Variants in NLE1 observed in about 807,000 individuals in gnomAD.
The protein encoded by NLE1 is notchless protein homolog 1.
NLE1 carries 37 observed loss-of-function variants against 62.8 expected under a neutral mutation model. That is an observed-to-expected ratio of 0.59 (90% CI 0.45 to 0.78). The LOEUF is 0.78. NLE1 is among the 30% of genes least tolerant of loss of function. The probability of loss-of-function intolerance (pLI) is 0.00; values close to 1 mark genes in which losing one functional copy is unlikely to be tolerated. For missense variants in NLE1, 555 were observed against 637.9 expected, an observed-to-expected ratio of 0.87 and a Z score of 1.40; for synonymous variants, 243 against 253.0, an observed-to-expected ratio of 0.96 and a Z score of 0.37.
chr17:35,130,313 T>G lies in NLE1; in HGVS notation c.*2124A>C, dbSNP rs1318661121. 3 of 1,613,924 alleles carry G rather than the reference T, an allele frequency of 1.9e-6. No individual in the cohort carries two copies. The highest frequency in any genetic ancestry group is 1.3e-5 in the African/African-American group (1 of 74,900). On this transcript the variant is annotated 3_prime_UTR_variant, in exon 13 of 13. Coordinates refer to ENST00000442241, the MANE Select transcript of NLE1 (RefSeq NM_018096.5). The stretch of plus-strand genomic sequence containing the variant: ...ACCCTGGCCACTGACTTCAGCAGCT[T>G]TCCTGAGAACTACCCCATCCAGATC...
In NLE1 at chr17:35,129,884, T is replaced by A. The variant is rs906960359; in HGVS notation, c.*2553A>T. The A allele has an allele frequency of 2.0e-4, 280 of 1,411,566 alleles. 1 individual carries two copies. Among genetic ancestry groups the A allele is most frequent in the Non-Finnish European group, 1.6e-4 (176 of 1,086,050 alleles). 87.4% of individuals were successfully genotyped at this position (1,411,566 alleles called of 1,614,324 possible). On this transcript the variant is annotated 3_prime_UTR_variant, in exon 13 of 13. Coordinates refer to ENST00000442241, the MANE Select transcript of NLE1 (RefSeq NM_018096.5). ...ATGCAAACGAATGTATTTTTCAACA[T>A]CACTATAATGTTCCCCTTCCAAAGC...
intron 9 of NLE1, among the ~76,000 whole-genome samples, chr17:35,135,887 G>A (rs1188308464): frequency 6.6e-6 from 1 of 152,120 alleles, no homozygotes; most frequent in Admixed American, 6.6e-5. Flanking sequence ...TGTATTTTTT[G>A]AACGTGAATG....
In NLE1 at chr17:35,142,097, T is replaced by C; in HGVS notation, c.44A>G (p.Gln15Arg). The C allele has an allele frequency of 3.7e-6, 6 of 1,612,260 alleles. No homozygotes were observed. The highest frequency in any genetic ancestry group is 5.1e-6 in the Non-Finnish European group (6 of 1,179,726). The change falls in exon 2 of 13, where the codon CAG becomes CGG. Residue 15 changes from glutamine (Q) to arginine (R), a missense_variant. Coordinates refer to ENST00000442241, the MANE Select transcript of NLE1 (RefSeq NM_018096.5). ...VPDEAVARDV[Q>R]RLLVQFQDEG... ...ATCCTGGAACTGCACTAGCAACCGC[T>C]GCACATCGCGCGCCACCGCCTCGTC...
At chr17:35,140,871 T>A (rs1482491803) in intron 2 of NLE1, among the ~76,000 whole-genome samples, 4 of 152,238 alleles carry the variant, frequency 2.6e-5, no homozygotes, top group Non-Finnish European at 5.9e-5. Flanking sequence ...ATTACAGGCA[T>A]AAGCCACTGC....
chr17:35,142,226 G>A lies in NLE1; in HGVS notation c.18+32C>T, dbSNP rs778390282. On this transcript the variant is annotated intron_variant, in intron 1 of 12. Coordinates refer to ENST00000442241, the MANE Select transcript of NLE1 (RefSeq NM_018096.5). ...GACCCGGGCCCTAGCGCCCCGCGGC[G>A]ACGCCCCCCGCCCCCATCCACGCAC... The A allele has an allele frequency of 1.2e-5, 19 of 1,556,158 alleles. 1 individual carries two copies. In the South Asian group the frequency reaches 2.0e-4, roughly 16 times the overall value.
At chr17:35,137,692 A>G in intron 5 of NLE1, 52 bp from the exon 6 acceptor site, 1 of 1,546,468 alleles carries the variant, frequency 6.5e-7, no homozygotes. Context: ...CTCTGGCTCC[A>G]CCAAAATCCC....
chr17:35,141,343 C>G (rs1359709647), intron 2 of NLE1, among the ~76,000 whole-genome samples: 1 of 152,068 alleles, frequency 6.6e-6, no homozygotes, highest in Non-Finnish European at 1.5e-5. Context: ...GTCAAGAGAT[C>G]GAGACCATCC....
In NLE1 at chr17:35,129,636, G is replaced by T. The variant is rs761148758; in HGVS notation, c.*2801C>A. The T allele has an allele frequency of 1.2e-6, 2 of 1,614,048 alleles. No homozygotes were observed. Among genetic ancestry groups the T allele is most frequent in the South Asian group, 2.2e-5 (2 of 91,076 alleles). Reference sequence around the variant, plus strand: ...CGTGCAGCCAACACAGCTGGGGTGGGGAAGTGGTGCAAGCCCTACAAAGTG... The same window carrying T: ...CGTGCAGCCAACACAGCTGGGGTGGTGAAGTGGTGCAAGCCCTACAAAGTG... On this transcript the variant is annotated 3_prime_UTR_variant, in exon 13 of 13. Coordinates refer to ENST00000442241, the MANE Select transcript of NLE1 (RefSeq NM_018096.5).
Position 35,130,082 on chromosome 17 carries a change from G to A in NLE1, c.*2355C>T. Reference sequence around the variant, plus strand: ...GAGGCCTGAGTACAGACAGCCCTTTGGTTGGAAATATCCCATAATGAGGAG... The same window carrying A: ...GAGGCCTGAGTACAGACAGCCCTTTAGTTGGAAATATCCCATAATGAGGAG... On this transcript the variant is annotated 3_prime_UTR_variant, in exon 13 of 13. Coordinates refer to ENST00000442241, the MANE Select transcript of NLE1 (RefSeq NM_018096.5). 1 of 1,420,862 alleles carries A rather than the reference G, an allele frequency of 7.0e-7. No individual in the cohort carries two copies. Among genetic ancestry groups the A allele is most frequent in the South Asian group, 1.6e-5 (1 of 64,240 alleles). The allele number at this position is 1,420,862 out of a possible 1,614,324, so 88.0% of individuals were successfully genotyped here.
At position 35,129,520 on chromosome 17, in the gene NLE1, A is replaced by G. The variant is rs780568384; in HGVS notation, c.*2917T>C. 13 of 1,614,124 alleles carry G rather than the reference A, an allele frequency of 8.1e-6. No homozygotes were observed. Among genetic ancestry groups the G allele is most frequent in the Admixed American group, 1.7e-5 (1 of 60,008 alleles). On this transcript the variant is annotated 3_prime_UTR_variant, in exon 13 of 13. Transcript: ENST00000442241. The stretch of plus-strand genomic sequence containing the variant: ...CACAGGAGAATGAGTTGCCCGAGGC[A>G]AAGAATCGTCCATGGATCTTCAACA...
chr17:35,132,465 G>A lies in NLE1; in HGVS notation c.1446-16C>T. 3 of 1,392,088 alleles carry A rather than the reference G, an allele frequency of 2.2e-6. No homozygotes were observed. Among genetic ancestry groups the A allele is most frequent in the Non-Finnish European group, 9.4e-7 (1 of 1,066,964 alleles). The allele number at this position is 1,392,088 out of a possible 1,614,324, so 86.2% of individuals were successfully genotyped here. A position where few individuals can be genotyped will look rare whatever the true frequency, so the allele number is the denominator to read the frequency against. On this transcript the variant is annotated splice_polypyrimidine_tract_variant and intron_variant, in intron 12 of 12. Coordinates refer to ENST00000442241, the MANE Select transcript of NLE1 (RefSeq NM_018096.5). ...TCTCCTCCATCTGTGGAGAAGGGAA[G>A]GGTGTCAGGATGGGGATTCCACCTT... is the stretch of plus-strand genomic sequence containing the variant.
At chr17:35,140,637 C>T (rs1470077569) in intron 2 of NLE1, among the ~76,000 whole-genome samples, 1 of 151,648 alleles carries the variant, frequency 6.6e-6, no homozygotes, top group Non-Finnish European at 1.5e-5. Flanking sequence ...GTTACTCAGG[C>T]TGGAGTGCAG....
chr17:35,133,561 G>T, intron 10 of NLE1, 63 bp from the exon 11 acceptor site: 3 of 1,477,024 alleles, frequency 2.0e-6, no homozygotes, highest in Non-Finnish European at 2.7e-6. Flanking sequence ...ACGTCTGAAG[G>T]GTCCCCTACG....
chr17:35,140,921 G>C (rs4444387), intron 2 of NLE1, among the ~76,000 whole-genome samples: 119,951 of 152,194 alleles, frequency 0.79, 47,713 homozygotes, highest in East Asian at 0.93. Flanking sequence ...CATAACAACC[G>C]TGGGAAGTAG....
rs1383388638 is a variant in NLE1 at position 35,137,166 on chromosome 17, G to T, written c.663C>A (p.Ser221Arg). Residue 221 changes from serine (S) to arginine (R), a missense_variant, in exon 7 of 13, where the codon AGC (serine) becomes AGA (arginine). Physicochemically the swap from Ser to Arg is moderately radical, Grantham distance 110 (BLOSUM62 -1). Coordinates refer to ENST00000442241, the MANE Select transcript of NLE1 (RefSeq NM_018096.5). ...TCCGCACACTGCCATCCTTGGAGCT[G>T]CTGGCCACATAGCGGCACTCAGGGT... ...HANPECRYVA[S>R]SSKDGSVRIW... 6.2e-7 allele frequency: 1 copy of T among 1,610,722 alleles called. No individual in the cohort carries two copies. Among genetic ancestry groups the T allele is most frequent in the Admixed American group, 1.7e-5 (1 of 59,946 alleles).
chr17:35,141,083 C>G (rs2091940821), intron 2 of NLE1, among the ~76,000 whole-genome samples: 1 of 152,206 alleles, frequency 6.6e-6, no homozygotes, highest in African/African-American at 2.4e-5. Context: ...CAAACTACCA[C>G]ACTACACTAT....
Position 35,131,455 on chromosome 17 carries a change from A to C in NLE1, c.*982T>G, listed in dbSNP as rs375545000. 3 of 152,376 alleles carry C rather than the reference A, an allele frequency of 2.0e-5. 1 individual carries two copies. The allele number at this position is 152,376 out of a possible 1,614,324, so 9.4% of individuals were successfully genotyped here. On this transcript the variant is annotated 3_prime_UTR_variant, in exon 13 of 13. Coordinates refer to ENST00000442241, the MANE Select transcript of NLE1 (RefSeq NM_018096.5). ...GCAGGAGAAAGCAGAGGCAGGGTAC[A>C]TTCAGGGCAAGATCTCGGCCTGGGG...
chr17:35,139,011 T>C (rs2091926441), intron 4 of NLE1, among the ~76,000 whole-genome samples: 1 of 152,030 alleles, frequency 6.6e-6, no homozygotes, highest in African/African-American at 2.4e-5. Flanking sequence ...GAGACCCTCA[T>C]CTGTATGAAA....
chr17:35,139,425 GGA>G (rs1567747140), intron 3 of NLE1, 111 bp from the exon 4 acceptor site: 1 of 865,846 alleles, frequency 1.2e-6, no homozygotes, highest in Non-Finnish European at 1.9e-6. Flanking sequence ...CCCCTGGAAG[GGA>G]GAAAGACAAT....
Sources: allele counts gnomAD v4.1 joint callset (sites outside exome capture counted in the v4.1 genomes callset), GRCh38; gene constraint gnomAD v4.1.1; transcripts MANE v1.5; gene names NCBI Gene and HGNC (gene_info 2026-07-23, HGNC 2026-07-21).